Variants in GLYR1 observed in about 807,000 individuals in gnomAD.
GLYR1 encodes glyoxylate reductase 1 homolog.
Under a neutral mutation model 72.7 loss-of-function variants are expected in GLYR1, and 21 were observed. The observed-to-expected ratio is 0.29, with a 90% CI of 0.20 to 0.42. The LOEUF (loss-of-function observed/expected upper bound fraction) is 0.42. GLYR1 is among the 10% of genes least tolerant of loss of function. The pLI is 1.00. For missense variants in GLYR1, 594 were observed against 712.1 expected (o/e 0.83, Z 1.89); for synonymous variants, 392 against 270.2 (o/e 1.45, Z -4.42).
At chr16:4,827,588 AAAACAAAC>A (rs954307885) in intron 5 of GLYR1, among the ~76,000 whole-genome samples, 1 of 135,666 alleles carries the variant, frequency 7.4e-6, no homozygotes, top group Non-Finnish European at 1.6e-5. Context: ...TGCACTTAAA[AAAACAAAC>A]AAACAAACAA....
intron 5 of GLYR1, among the ~76,000 whole-genome samples, chr16:4,827,940 T>C (rs576406248): frequency 4.6e-5 from 7 of 151,456 alleles, no homozygotes; most frequent in Admixed American, 2.0e-4. Context: ...AAAAAACGAA[T>C]TGAAGGTTTG....
intron 9 of GLYR1, 188 bp downstream of exon 9, chr16:4,821,191 AC>A: frequency 1.6e-6 from 1 of 635,770 alleles, no homozygotes. Flanking sequence ...CCCAAGGGAG[AC>A]CCGACCACAG....
intron 15 of GLYR1, among the ~76,000 whole-genome samples, chr16:4,808,956 CTG>C (rs749886647): frequency 7.9e-5 from 12 of 152,158 alleles, no homozygotes; most frequent in Non-Finnish European, 1.6e-4. Context: ...GAGAGTGAGA[CTG>C]TGTCTCAAAT....
At chr16:4,821,356 A>T in intron 9 of GLYR1, 24 bp downstream of exon 9, 1 of 1,611,288 alleles carries the variant, frequency 6.2e-7, no homozygotes, top group South Asian at 1.1e-5. Context: ...GAGCCACTGG[A>T]GGCCTTTTCA....
intron 3 of GLYR1, among the ~76,000 whole-genome samples, chr16:4,844,436 A>G (rs896931316): frequency 6.6e-6 from 1 of 152,244 alleles, no homozygotes; most frequent in Non-Finnish European, 1.5e-5. Flanking sequence ...ATGAACCATA[A>G]TGATATATGG....
rs781510024 is a variant in GLYR1 at position 4,832,214 on chromosome 16, G to A, written c.302C>T (p.Ser101Phe). Residue 101 changes from serine (S) to phenylalanine (F), a missense_variant, in exon 5 of 16, where the codon TCC becomes TTC. Ser to Phe is a radical substitution (Grantham distance 155). Coordinates refer to ENST00000321919, the MANE Select transcript of GLYR1 (RefSeq NM_032569.4). ...ATTCTTGTCATCAGAAGAATTGTGGGATGACGTCTGAAAGTTTAATAATAA... is the reference window on the plus strand; with the variant it reads ...ATTCTTGTCATCAGAAGAATTGTGGAATGACGTCTGAAAGTTTAATAATAA... The part of the protein sequence containing the change: ...RRAKGKDQTS[S>F]HNSSDDKNRR... The A allele has an allele frequency of 1.9e-6, 3 of 1,613,816 alleles. No homozygotes were observed. The African/African-American group carries it at 4.0e-5, about 22-fold the overall frequency.
At chr16:4,817,860 T>A in intron 9 of GLYR1, 163 bp from the exon 10 acceptor site, 2 of 611,752 alleles carry the variant, frequency 3.3e-6, no homozygotes, top group South Asian at 3.8e-5. Context: ...AGGGGCGTCA[T>A]GCACATGGGT....
At chr16:4,828,976 C>G (rs746718300) in intron 5 of GLYR1, among the ~76,000 whole-genome samples, 38 of 152,086 alleles carry the variant, frequency 2.5e-4, no homozygotes, top group Non-Finnish European at 4.6e-4. Flanking sequence ...TAAAATCTGA[C>G]AGCCCAGATT....
At position 4,811,150 on chromosome 16, in the gene GLYR1, T is replaced by G. The variant is rs199770488; in HGVS notation, c.1587+20A>C. ...AAAAGAAACTGAAGGGCCTTGGGGC[T>G]TGGGCCACATCTACCCTACCTCATT... On this transcript the variant is annotated intron_variant, in intron 15 of 15. Coordinates refer to ENST00000321919, the MANE Select transcript of GLYR1 (RefSeq NM_032569.4). 6.8e-6 allele frequency: 11 copies of G among 1,606,782 alleles called. No individual in the cohort carries two copies. Among genetic ancestry groups the G allele is most frequent in the Non-Finnish European group, 9.3e-6 (11 of 1,178,168 alleles).
intron 3 of GLYR1, among the ~76,000 whole-genome samples, chr16:4,833,984 C>A (rs1329528476): frequency 1.3e-5 from 2 of 152,208 alleles, no homozygotes; most frequent in African/African-American, 4.8e-5. Context: ...GATACAGAAA[C>A]CCAGCTATCT....
At chr16:4,814,878 C>G (rs1438537619) in intron 10 of GLYR1, among the ~76,000 whole-genome samples, 1 of 152,158 alleles carries the variant, frequency 6.6e-6, no homozygotes, top group Non-Finnish European at 1.5e-5. Context: ...AACTGCTTCA[C>G]AAGTGTCTGC....
intron 5 of GLYR1, among the ~76,000 whole-genome samples, chr16:4,824,814 C>T (rs570861153): frequency 4.6e-5 from 7 of 152,116 alleles, no homozygotes; most frequent in Non-Finnish European, 1.0e-4. Context: ...CTGATGTTAC[C>T]TTGCACTCCC....
chr16:4,842,741 C>G (rs1322740138), intron 3 of GLYR1, among the ~76,000 whole-genome samples: 1 of 152,100 alleles, frequency 6.6e-6, no homozygotes, highest in Admixed American at 6.5e-5. Flanking sequence ...GCTCTGTCAC[C>G]CAGACTGGAG....
chr16:4,804,933 CTGTG>C lies in GLYR1; in HGVS notation c.*299_*302del, dbSNP rs143624351. ...GCAGCTTCTATCCTGGGGCGAGAGC[CTGTG>C]TGTGTGTGTGTGTGTGTGTGTGTGT... On this transcript the variant is annotated 3_prime_UTR_variant, in exon 16 of 16. Transcript: ENST00000321919. 0.038 allele frequency: 11,254 copies of C among 295,280 alleles called. 272 individuals carry two copies. The highest frequency in any genetic ancestry group is 0.11 in the African/African-American group (5,159 of 46,124). The allele number at this position is 295,280 out of a possible 1,614,324, so 18.3% of individuals were successfully genotyped here. A position where few individuals can be genotyped will look rare whatever the true frequency, so the allele number is the denominator to read the frequency against.
rs1159415370 is a variant in GLYR1, at chr16:4,821,159, CA to C, written c.806+220del. On this transcript the variant is annotated intron_variant, in intron 9 of 15. Coordinates refer to ENST00000321919, the MANE Select transcript of GLYR1 (RefSeq NM_032569.4). ...GCTCCTTGCTCTTGAGTTCTGGAGC[CA>C]AAAAAATCCCTCAGCTTATGCCCAA... 23 of 589,726 alleles carry C rather than the reference CA, an allele frequency of 3.9e-5. No individual in the cohort carries two copies. The Admixed American group carries it at 4.2e-4, about 11-fold the overall frequency. 36.5% of individuals were successfully genotyped at this position (589,726 alleles called of 1,614,324 possible).
At chr16:4,842,016 C>T (rs1037126561) in intron 3 of GLYR1, among the ~76,000 whole-genome samples, 1 of 152,068 alleles carries the variant, frequency 6.6e-6, no homozygotes, top group Non-Finnish European at 1.5e-5. Flanking sequence ...CCGAGGCGGG[C>T]AGATCACGAG....
At chr16:4,845,416 C>G (rs1444910220) in intron 2 of GLYR1, among the ~76,000 whole-genome samples, 1 of 152,142 alleles carries the variant, frequency 6.6e-6, no homozygotes, top group African/African-American at 2.4e-5. Context: ...GCTCAGTAGA[C>G]ACAATATCCC....
intron 1 of GLYR1, chr16:4,846,927 GCCTCGCGGCACCGGCGGCTCC>G: frequency 2.2e-6 from 1 of 458,632 alleles, no homozygotes. Flanking sequence ...GTCCGGGGAA[GCCTCGCGGCACCGGCGGCTCC>G]CTTCACGGGG....
chr16:4,834,872 C>A (rs1041184123), intron 3 of GLYR1, among the ~76,000 whole-genome samples: 5 of 152,176 alleles, frequency 3.3e-5, no homozygotes, highest in Non-Finnish European at 7.4e-5. Context: ...GATTTTCTGG[C>A]AAGAATATCC....
Sources: allele counts gnomAD v4.1 joint callset (sites outside exome capture counted in the v4.1 genomes callset), GRCh38; gene constraint gnomAD v4.1.1; transcripts MANE v1.5; gene names NCBI Gene and HGNC (gene_info 2026-07-23, HGNC 2026-07-21).